The following OTOGL variants were observed in gnomAD, a reference collection of about 807,000 sequenced individuals.
OTOGL encodes otogelin-like protein.
In OTOGL, 285 loss-of-function variants were observed where a neutral mutation model predicts 318.5. The ratio of observed to expected loss-of-function variants is 0.89; its 90% CI spans 0.81 to 0.99. The LOEUF is 0.99. Among genes scored for constraint, OTOGL ranks in the 50% least tolerant of loss-of-function variants. The pLI is 0.00. For missense variants in OTOGL, 2,899 were observed against 2,845.6 expected, an observed-to-expected ratio of 1.02 and a Z score of -0.43; for synonymous variants, 987 against 936.5, an observed-to-expected ratio of 1.05 and a Z score of -0.99.
chr12:80,204,585 TA>T (rs1416438915), intron 1 of OTOGL, among the ~76,000 whole-genome samples: 1 of 152,124 alleles, frequency 6.6e-6, no homozygotes, highest in East Asian at 1.9e-4. Context: ...ACCTAGAAAA[TA>T]AAAGCGTGTA....
chr12:80,109,125 C>A (rs933888336), intron 1 of OTOGL, among the ~76,000 whole-genome samples: 1 of 151,484 alleles, frequency 6.6e-6, no homozygotes. Context: ...GCTTCTTATG[C>A]CCCAACTTTA....
chr12:80,119,191 TGCATCTTCCTAAG>T (rs1870343444), intron 1 of OTOGL, among the ~76,000 whole-genome samples: 1 of 152,140 alleles, frequency 6.6e-6, no homozygotes, highest in South Asian at 2.1e-4. Context: ...GCATTGGGAG[TGCATCTTCCTAAG>T]GCCAGTGAAA....
At chr12:80,285,878 A>C (rs1884580997) in intron 26 of OTOGL, among the ~76,000 whole-genome samples, 1 of 152,038 alleles carries the variant, frequency 6.6e-6, no homozygotes, top group Non-Finnish European at 1.5e-5. Flanking sequence ...TCTCTTGCCT[A>C]ATTGCCCTGG....
intron 1 of OTOGL, among the ~76,000 whole-genome samples, chr12:80,196,050 TC>T (rs1876044134): frequency 6.6e-6 from 1 of 152,220 alleles, no homozygotes; most frequent in African/African-American, 2.4e-5. Context: ...ATTTCATCTT[TC>T]AAATATTGGG....
intron 26 of OTOGL, among the ~76,000 whole-genome samples, chr12:80,294,980 C>T (rs368615793): frequency 6.6e-6 from 1 of 151,896 alleles, no homozygotes; most frequent in Non-Finnish European, 1.5e-5. Context: ...GTCTCTCTCC[C>T]AGCTACTCAG....
chr12:80,236,563 A>C (rs1879864071), intron 9 of OTOGL, among the ~76,000 whole-genome samples: 1 of 152,216 alleles, frequency 6.6e-6, no homozygotes, highest in African/African-American at 2.4e-5. Context: ...GTATTGAAAT[A>C]AGTGGGTTTC....
At chr12:80,193,860 G>A (rs1875867609) in intron 1 of OTOGL, among the ~76,000 whole-genome samples, 1 of 152,180 alleles carries the variant, frequency 6.6e-6, no homozygotes, top group Non-Finnish European at 1.5e-5. Context: ...TTGGATTTGT[G>A]AATGTGAAAT....
At chr12:80,177,756 C>T (rs1471307074) in intron 1 of OTOGL, among the ~76,000 whole-genome samples, 2 of 152,052 alleles carry the variant, frequency 1.3e-5, no homozygotes, top group East Asian at 3.9e-4. Context: ...AATTTTTTTA[C>T]AACAATGTTT....
intron 38 of OTOGL, among the ~76,000 whole-genome samples, chr12:80,333,644 T>C (rs1231519247): frequency 6.6e-6 from 1 of 152,172 alleles, no homozygotes; most frequent in Non-Finnish European, 1.5e-5. Flanking sequence ...GTTTACGTTC[T>C]ATTGGAGTTT....
intron 8 of OTOGL, 85 bp downstream of exon 8, chr12:80,229,463 A>T (rs1163469642): frequency 2.1e-6 from 3 of 1,440,546 alleles, no homozygotes; most frequent in African/African-American, 1.4e-5. Context: ...TGAACTGTGG[A>T]GAGTAGGAAG....
At chr12:80,351,532 T>C (rs758869441) in intron 44 of OTOGL, among the ~76,000 whole-genome samples, 1 of 152,254 alleles carries the variant, frequency 6.6e-6, no homozygotes, top group East Asian at 1.9e-4. Context: ...GCCAGGATGG[T>C]GTCAATCTCT....
At chr12:80,254,672 G>A (rs959503598) in intron 15 of OTOGL, 102 bp downstream of exon 15, 1 of 913,292 alleles carries the variant, frequency 1.1e-6, no homozygotes, top group African/African-American at 1.7e-5. Context: ...TATACCAAGG[G>A]CTACAATAAT....
In OTOGL at chr12:80,265,200, T is replaced by A. The variant is rs1882860031; in HGVS notation, c.2214T>A (p.Ile738=). ...HGVPIDFRTQ[I]SFCAVVCQKG... ...TTCCCATTGATTTCAGAACTCAGATTTCTTTCTGTGGTGAGTACAATGGCA... is the reference window on the plus strand; with the variant it reads ...TTCCCATTGATTTCAGAACTCAGATATCTTTCTGTGGTGAGTACAATGGCA... The change falls in exon 20 of 59, where the codon ATT becomes ATA. Residue 738 remains isoleucine, a synonymous_variant. Coordinates refer to ENST00000547103, the MANE Select transcript of OTOGL (RefSeq NM_001378609.3). The A allele has an allele frequency of 6.2e-7, 1 of 1,613,190 alleles. No individual in the cohort carries two copies. Among genetic ancestry groups the A allele is most frequent in the South Asian group, 1.1e-5 (1 of 91,048 alleles).
At chr12:80,134,753 A>G (rs970166708) in intron 1 of OTOGL, among the ~76,000 whole-genome samples, 1 of 152,162 alleles carries the variant, frequency 6.6e-6, no homozygotes, top group African/African-American at 2.4e-5. Context: ...TTAAGATCAA[A>G]TTATTCTCAT....
In OTOGL at chr12:80,307,064, C is replaced by G. The variant is rs1044461607; in HGVS notation, c.3333+1369C>G. Among the ~76,000 whole-genome samples, 3 of 149,766 alleles carry G rather than the reference C, an allele frequency of 2.0e-5. No individual in the cohort carries two copies. In the East Asian group the frequency reaches 5.8e-4, roughly 29 times the overall value. ...TTTAACAAAGCACATCTTGCACCGC[C>G]CTTAATCCATTCAACCCTGAGTGGA... is the stretch of plus-strand genomic sequence containing the variant. On this transcript the variant is annotated intron_variant, in intron 29 of 58. Transcript: ENST00000547103.
intron 43 of OTOGL, 49 bp from the exon 44 acceptor site, chr12:80,341,899 C>T (rs1226268918): frequency 8.0e-7 from 1 of 1,251,916 alleles, no homozygotes; most frequent in Admixed American, 2.1e-5. Flanking sequence ...GTTGTGCTGT[C>T]TACATTAGTT....
chr12:80,290,817 T>C (rs1201049284), intron 26 of OTOGL, among the ~76,000 whole-genome samples: 1 of 152,248 alleles, frequency 6.6e-6, no homozygotes, highest in Non-Finnish European at 1.5e-5. Context: ...TAGGGGCCTA[T>C]TAAATGTAAA....
chr12:80,351,864 G>T (rs2137999172), intron 44 of OTOGL, among the ~76,000 whole-genome samples: 1 of 152,214 alleles, frequency 6.6e-6, no homozygotes, highest in Non-Finnish European at 1.5e-5. Context: ...AACTAATATT[G>T]AATATTAATA....
chr12:80,368,155 T>C (rs1415851996), intron 54 of OTOGL, 50 bp from the exon 55 acceptor site: 2 of 1,305,716 alleles, frequency 1.5e-6, no homozygotes, highest in Non-Finnish European at 2.2e-6. Flanking sequence ...CAGAAGTAAT[T>C]CATTAAAAAT....
Sources: allele counts gnomAD v4.1 joint callset (sites outside exome capture counted in the v4.1 genomes callset), GRCh38; gene constraint gnomAD v4.1.1; transcripts MANE v1.5; gene names NCBI Gene and HGNC (gene_info 2026-07-23, HGNC 2026-07-21).